Variants in DNAH11 observed in about 807,000 individuals in gnomAD.
DNAH11 encodes the protein dynein axonemal heavy chain 11.
DNAH11 carries 442 observed loss-of-function variants against 526.0 expected under a neutral mutation model. The ratio of observed to expected loss-of-function variants is 0.84; its 90% CI spans 0.78 to 0.91. The LOEUF (loss-of-function observed/expected upper bound fraction) is 0.91, where lower values mean the gene tolerates loss of function less well. DNAH11 is among the 40% of genes least tolerant of loss of function. The pLI, the probability that DNAH11 is intolerant of heterozygous loss-of-function variation, is 0.00. For synonymous variants in DNAH11, 2,461 were observed against 1,935.9 expected, an observed-to-expected ratio of 1.27 and a Z score of -7.12; for missense variants, 6,989 against 5,448.7, an observed-to-expected ratio of 1.28 and a Z score of -8.90.
chr7:21,845,131 T>C (rs1309075165), intron 66 of DNAH11, among the ~76,000 whole-genome samples: 3 of 152,198 alleles, frequency 2.0e-5, no homozygotes, highest in South Asian at 2.1e-4. Context: ...CAGACTCTTA[T>C]TGGATATGTG....
At chr7:21,656,662 A>G (rs1048544487) in intron 29 of DNAH11, among the ~76,000 whole-genome samples, 4 of 152,160 alleles carry the variant, frequency 2.6e-5, no homozygotes, top group Non-Finnish European at 5.9e-5. Context: ...GCTTGGGTTA[A>G]TCCACAGAGT....
intron 26 of DNAH11, 104 bp from the exon 27 acceptor site, chr7:21,637,507 T>A: frequency 1.3e-6 from 1 of 793,072 alleles, no homozygotes; most frequent in South Asian, 1.6e-5. Context: ...TCTTTGACCT[T>A]GCCTCTTCAT....
chr7:21,603,432 T>C (rs556889981), intron 18 of DNAH11, among the ~76,000 whole-genome samples: 8 of 152,346 alleles, frequency 5.3e-5, no homozygotes, highest in Non-Finnish European at 1.2e-4. Context: ...GGAGTGGAAT[T>C]GCTGGGTCAT....
chr7:21,891,068 CAT>C (rs75181750), intron 76 of DNAH11, among the ~76,000 whole-genome samples: 20,145 of 152,118 alleles, frequency 0.13, 1,538 homozygotes, highest in East Asian at 0.33. Context: ...CTGTTACACA[CAT>C]GATTGTGTGG....
In DNAH11 at chr7:21,786,666, G is replaced by A. The variant is rs141979671; in HGVS notation, c.9640G>A (p.Ala3214Thr). The change falls in exon 59 of 82, where the codon GCA becomes ACA. Residue 3214 changes from alanine (A) to threonine (T), a missense_variant. Transcript: ENST00000409508. ...ELKAFPNPPI[A>T]VTNVTAAVMV... ...GAAAGCCTTTCCCAACCCTCCCATC[G>A]CAGTTACCAATGTTACTGCAGCCGT... 7.2e-5 allele frequency: 116 copies of A among 1,613,196 alleles called. No individual in the cohort carries two copies. In the African/African-American group the frequency reaches 1.0e-3, roughly 14 times the overall value.
At chr7:21,615,004 T>C in intron 20 of DNAH11, 110 bp from the exon 21 acceptor site, 7 of 1,266,744 alleles carry the variant, frequency 5.5e-6, no homozygotes, top group Non-Finnish European at 7.5e-6. Flanking sequence ...TTATTTTTAT[T>C]TTCCCGTTAA....
Position 21,681,665 on chromosome 7 carries a change from T to G in DNAH11, c.5448T>G (p.Leu1816=), listed in dbSNP as rs757927176. ...ATGCCAGAGACGTGGTGGCAAAACT[T>G]ATTTCTCAGAAGGCAAGTTGTTTGT... ...DVHARDVVAK[L]ISQKVVSPQA... The change falls in exon 31 of 82, where the codon CTT becomes CTG. Residue 1816 remains leucine (L), a synonymous_variant. Coordinates refer to ENST00000409508, the MANE Select transcript of DNAH11 (RefSeq NM_001277115.2). 6.2e-7 allele frequency: 1 copy of G among 1,613,942 alleles called. No individual in the cohort carries two copies. The highest frequency in any genetic ancestry group is 2.2e-5 in the East Asian group (1 of 44,864).
At chr7:21,804,980 C>G (rs571508254) in intron 62 of DNAH11, among the ~76,000 whole-genome samples, 1 of 152,312 alleles carries the variant, frequency 6.6e-6, no homozygotes, top group South Asian at 2.1e-4. Context: ...CCCATCTTCA[C>G]TGGCCTTCTG....
In DNAH11 at chr7:21,818,216, G is replaced by A. The variant is rs1789891256; in HGVS notation, c.10569-1G>A. On this transcript the variant is annotated splice_acceptor_variant, in intron 64 of 81. Transcript: ENST00000409508. LOFTEE classifies it high-confidence loss of function. ...TATCTCAAATCCCACTGAATTTTAAGGTTTTTGAATGCCATTGAAACTGCT... is the reference window on the plus strand; with the variant it reads ...TATCTCAAATCCCACTGAATTTTAAAGTTTTTGAATGCCATTGAAACTGCT... 6.2e-7 allele frequency: 1 copy of A among 1,607,670 alleles called. No individual in the cohort carries two copies. Among genetic ancestry groups the A allele is most frequent in the African/African-American group, 1.3e-5 (1 of 74,790 alleles).
At chr7:21,554,546 C>T (rs1783147182) in intron 2 of DNAH11, among the ~76,000 whole-genome samples, 1 of 152,066 alleles carries the variant, frequency 6.6e-6, no homozygotes, top group South Asian at 2.1e-4. Context: ...ACGTCTTGCC[C>T]AGCAGGTTGT....
At chr7:21,816,988 T>TA (rs1041438557) in intron 64 of DNAH11, among the ~76,000 whole-genome samples, 5 of 152,272 alleles carry the variant, frequency 3.3e-5, no homozygotes, top group Non-Finnish European at 5.9e-5. Context: ...AGAATGGATA[T>TA]ATATTATATT....
At chr7:21,679,843 G>A (rs767713202) in intron 30 of DNAH11, among the ~76,000 whole-genome samples, 4 of 151,952 alleles carry the variant, frequency 2.6e-5, no homozygotes, top group South Asian at 2.1e-4. Flanking sequence ...TGCAAAGTTC[G>A]GATACAGATT....
chr7:21,788,531 T>C (rs1023292528), intron 60 of DNAH11, among the ~76,000 whole-genome samples: 2 of 152,048 alleles, frequency 1.3e-5, no homozygotes, highest in African/African-American at 4.8e-5. Context: ...CTGTGTTTAT[T>C]TTGCTATAAA....
At chr7:21,806,810 C>G (rs1789281575) in intron 62 of DNAH11, among the ~76,000 whole-genome samples, 1 of 152,110 alleles carries the variant, frequency 6.6e-6, no homozygotes, top group Non-Finnish European at 1.5e-5. Flanking sequence ...TTATTCAAAT[C>G]CAATATTAAG....
intron 35 of DNAH11, among the ~76,000 whole-genome samples, chr7:21,692,414 G>A (rs1444188781): frequency 1.3e-5 from 2 of 152,198 alleles, no homozygotes; most frequent in East Asian, 3.9e-4. Flanking sequence ...TCATGTAAAT[G>A]AAACCAGACA....
intron 56 of DNAH11, among the ~76,000 whole-genome samples, chr7:21,778,091 T>G (rs955623016): frequency 1.3e-5 from 2 of 152,204 alleles, no homozygotes; most frequent in Admixed American, 1.3e-4. Flanking sequence ...GTCATGTTTT[T>G]TTTCTCTAGT....
rs543512431 is a variant in DNAH11 at position 21,892,605 on chromosome 7, C to T, written c.12688C>T (p.Leu4230=). Residue 4230 remains leucine, a synonymous_variant, in exon 77 of 82, where the codon CTG becomes TTG. Coordinates refer to ENST00000409508, the MANE Select transcript of DNAH11 (RefSeq NM_001277115.2). ...VTSNTLFRTL[L]EMQPRNALSG... ...ATCCAACACTCTCTTCAGAACTTTG[C>T]TGGAGATGCAGCCCAGGAATGCACT... 2 of 1,613,854 alleles carry T rather than the reference C, an allele frequency of 1.2e-6. No homozygotes were observed. The highest frequency in any genetic ancestry group is 2.2e-5 in the South Asian group (2 of 91,076).
At chr7:21,849,032 T>G (rs888075573) in intron 66 of DNAH11, among the ~76,000 whole-genome samples, 19 of 152,138 alleles carry the variant, frequency 1.2e-4, no homozygotes, top group African/African-American at 4.6e-4. Context: ...ATTACAGGCA[T>G]GTACCGCCAT....
At chr7:21,777,361 A>C (rs942923013) in intron 56 of DNAH11, among the ~76,000 whole-genome samples, 3 of 152,108 alleles carry the variant, frequency 2.0e-5, no homozygotes, top group Non-Finnish European at 2.9e-5. Context: ...GGGTTTTGGC[A>C]ATTATAAATA....
Sources: allele counts gnomAD v4.1 joint callset (sites outside exome capture counted in the v4.1 genomes callset), GRCh38; gene constraint gnomAD v4.1.1; transcripts MANE v1.5; gene names NCBI Gene and HGNC (gene_info 2026-07-23, HGNC 2026-07-21).